The following OSTN variants were observed in gnomAD, a reference collection of about 807,000 sequenced individuals.
OSTN encodes osteocrin.
OSTN carries 9 observed loss-of-function variants against 12.0 expected under a neutral mutation model. The ratio of observed to expected loss-of-function variants is 0.75; its 90% CI spans 0.45 to 1.30. OSTN has a LOEUF of 1.30. Ranked by LOEUF, OSTN falls within the 50% of genes most tolerant of loss-of-function variation. The probability of loss-of-function intolerance (pLI) is 0.00; values close to 1 mark genes in which losing one functional copy is unlikely to be tolerated. For missense variants in OSTN, 148 were observed against 152.3 expected, an observed-to-expected ratio of 0.97 and a Z score of 0.15; for synonymous variants, 59 against 56.9, an observed-to-expected ratio of 1.04 and a Z score of -0.16.
chr3:191,221,930 G>A (rs1576927568), intron 3 of OSTN, among the ~76,000 whole-genome samples: 1 of 152,254 alleles, frequency 6.6e-6, no homozygotes, highest in East Asian at 1.9e-4. Flanking sequence ...TTGGTAACCT[G>A]CTTCCCAGCC....
chr3:191,216,025 A>C (rs59109356), intron 2 of OSTN, among the ~76,000 whole-genome samples: 11,643 of 152,264 alleles, frequency 0.076, 678 homozygotes, highest in Middle Eastern at 0.31. Flanking sequence ...CCACCCCTTT[A>C]GTAAATTTCT....
intron 2 of OSTN, among the ~76,000 whole-genome samples, chr3:191,213,767 T>C (rs181310982): frequency 2.3e-3 from 271 of 119,342 alleles, no homozygotes; most frequent in African/African-American, 6.9e-3. Flanking sequence ...TTTCTAAAAG[T>C]TTTTTTTTTT....
chr3:191,232,095 C>T (rs1176218015), intron 3 of OSTN, among the ~76,000 whole-genome samples: 1 of 151,738 alleles, frequency 6.6e-6, no homozygotes, highest in Non-Finnish European at 1.5e-5. Context: ...CTTGGGGAGG[C>T]CGAGGCAGGC....
intron 1 of OSTN, among the ~76,000 whole-genome samples, chr3:191,208,629 AATC>A (rs1180270636): frequency 3.3e-5 from 5 of 152,248 alleles, no homozygotes; most frequent in African/African-American, 1.2e-4. Flanking sequence ...CCTCAGACAT[AATC>A]ATCAATATTG....
At chr3:191,255,190 G>A (rs1165235073) in intron 4 of OSTN, among the ~76,000 whole-genome samples, 1 of 152,044 alleles carries the variant, frequency 6.6e-6, no homozygotes, top group Non-Finnish European at 1.5e-5. Flanking sequence ...AATAGGATTC[G>A]TGCTCTTATG....
Position 191,265,283 on chromosome 3 carries a change from C to T in OSTN, c.*2430C>T, listed in dbSNP as rs1020643086. 1.3e-5 allele frequency: 2 copies of T among 152,062 alleles called. No homozygotes were observed. The highest frequency in any genetic ancestry group is 2.9e-5 in the Non-Finnish European group (2 of 67,970). 9.4% of individuals were successfully genotyped at this position (152,062 alleles called of 1,614,324 possible). On this transcript the variant is annotated 3_prime_UTR_variant, in exon 5 of 5. Coordinates refer to ENST00000682035, the MANE Select transcript of OSTN (RefSeq NM_198184.2). ...TTTTTTCTCTTTGCTTCTGTATGAA[C>T]CTTTATAGAGCAAATGAATATATGT...
intron 2 of OSTN, among the ~76,000 whole-genome samples, chr3:191,218,260 C>T (rs1434199846): frequency 1.3e-5 from 2 of 152,046 alleles, no homozygotes; most frequent in Admixed American, 6.6e-5. Flanking sequence ...TTTTTCCCTT[C>T]GTTATACCCC....
At chr3:191,261,157 C>A (rs991681898) in intron 4 of OSTN, among the ~76,000 whole-genome samples, 3 of 152,178 alleles carry the variant, frequency 2.0e-5, no homozygotes, top group Non-Finnish European at 2.9e-5. Context: ...CTGCACCCAA[C>A]TGAAGGTGCC....
At chr3:191,227,061 TA>T (rs1714930263) in intron 3 of OSTN, among the ~76,000 whole-genome samples, 1 of 151,648 alleles carries the variant, frequency 6.6e-6, no homozygotes, top group South Asian at 2.1e-4. Flanking sequence ...TAAAACAAAG[TA>T]AAAACTCAAA....
intron 4 of OSTN, among the ~76,000 whole-genome samples, chr3:191,260,273 G>A (rs1715777892): frequency 6.6e-6 from 1 of 151,448 alleles, no homozygotes; most frequent in African/African-American, 2.4e-5. Flanking sequence ...CGACAATTAG[G>A]GTTTCCAGTG....
intron 4 of OSTN, among the ~76,000 whole-genome samples, chr3:191,257,905 T>C (rs1282080401): frequency 6.6e-6 from 1 of 152,230 alleles, no homozygotes. Flanking sequence ...TAAATACATA[T>C]ATACATATAC....
chr3:191,217,786 T>C (rs1241781244), intron 2 of OSTN, among the ~76,000 whole-genome samples: 1 of 152,172 alleles, frequency 6.6e-6, no homozygotes, highest in African/African-American at 2.4e-5. Flanking sequence ...GGGATAGAGA[T>C]GGTGAGATGC....
At chr3:191,225,755 A>G (rs1013086797) in intron 3 of OSTN, among the ~76,000 whole-genome samples, 1 of 152,156 alleles carries the variant, frequency 6.6e-6, no homozygotes, top group East Asian at 1.9e-4. Context: ...GTTCTCACTT[A>G]TAAGTGGAAG....
intron 1 of OSTN, among the ~76,000 whole-genome samples, chr3:191,202,244 TAAAA>T (rs1255818821): frequency 1.3e-5 from 2 of 152,196 alleles, no homozygotes; most frequent in Non-Finnish European, 2.9e-5. Flanking sequence ...TTCAAGATAG[TAAAA>T]CACTATGCAA....
intron 3 of OSTN, among the ~76,000 whole-genome samples, chr3:191,246,716 G>GGAA (rs201073814): frequency 3.3e-5 from 5 of 149,770 alleles, no homozygotes; most frequent in Non-Finnish European, 5.9e-5. Context: ...AAGAAGAAGA[G>GGAA]GAAGAAGAAG....
intron 1 of OSTN, 78 bp from the exon 2 acceptor site, chr3:191,212,455 A>C (rs1004538628): frequency 9.4e-6 from 8 of 855,404 alleles, no homozygotes; most frequent in Non-Finnish European, 1.4e-5. Flanking sequence ...TGCCTCTAAC[A>C]GTCCTTTTAG....
chr3:191,232,883 G>A lies in OSTN; in HGVS notation c.317+13922G>A, dbSNP rs570020608. Among the ~76,000 whole-genome samples the A allele has an allele frequency of 4.6e-5, 7 of 152,156 alleles. No homozygotes were observed. In the South Asian group the frequency reaches 1.5e-3, roughly 32 times the overall value. On this transcript the variant is annotated intron_variant, in intron 3 of 4. Coordinates refer to ENST00000682035, the MANE Select transcript of OSTN (RefSeq NM_198184.2). ...GCCCACCTCTGCCTTTCAGAGTGCT[G>A]GGATTACTGGTGTGAGCCACTGCGT...
At chr3:191,250,527 A>C (rs1307493678) in intron 4 of OSTN, among the ~76,000 whole-genome samples, 2 of 152,238 alleles carry the variant, frequency 1.3e-5, no homozygotes, top group Non-Finnish European at 2.9e-5. Flanking sequence ...TTTTGTTGTC[A>C]ATAAGTACGT....
chr3:191,212,588 T>G lies in OSTN; in HGVS notation c.56T>G (p.Leu19Arg). The G allele has an allele frequency of 6.3e-7, 1 of 1,593,060 alleles. No individual in the cohort carries two copies. Among genetic ancestry groups the G allele is most frequent in the Non-Finnish European group, 8.6e-7 (1 of 1,166,592 alleles). ...AHFILAVTLT[L>R]WSSGKVLSVD... Reference sequence around the variant, plus strand: ...TTCATCCTGGCTGTGACACTGACACTGTGGAGCTCAGGAAAAGTCCTCTCA... The same window carrying G: ...TTCATCCTGGCTGTGACACTGACACGGTGGAGCTCAGGAAAAGTCCTCTCA... The change falls in exon 2 of 5, where the codon CTG (leucine) becomes CGG (arginine). Residue 19 changes from leucine (L) to arginine (R), a missense_variant. By Grantham distance (102) the Leu-to-Arg change is moderately radical. Transcript: ENST00000682035.
Sources: gnomAD v4.1 joint callset for allele counts (sites outside exome capture counted in the v4.1 genomes callset) on GRCh38, gnomAD v4.1.1 for gene constraint, MANE v1.5 for transcripts, NCBI Gene and HGNC (gene_info 2026-07-23, HGNC 2026-07-21) for gene names.